DMD: variants seen among roughly 807,000 people sequenced by gnomAD.
DMD encodes mutant dystrophin.
In DMD, 63 loss-of-function variants were observed where a neutral mutation model predicts 330.1. The ratio of observed to expected loss-of-function variants is 0.19; its 90% CI spans 0.16 to 0.24. The LOEUF (loss-of-function observed/expected upper bound fraction) is 0.24. Among genes scored for constraint, DMD ranks in the 10% least tolerant of loss-of-function variants. DMD has a pLI of 1.00. For synonymous variants in DMD, 1,223 were observed against 959.8 expected, an observed-to-expected ratio of 1.27 and a Z score of -5.07; for missense variants, 3,344 against 2,684.1, an observed-to-expected ratio of 1.25 and a Z score of -5.43.
chrX:31,435,386 T>C (rs2064440481), intron 60 of DMD, among the ~76,000 whole-genome samples: 1 of 111,727 alleles, frequency 9.0e-6, no homozygotes, highest in African/African-American at 3.2e-5. Context: ...TTCTAATTTA[T>C]TATATTTCCA....
chrX:32,976,637 G>T (rs1044015247), intron 2 of DMD, among the ~76,000 whole-genome samples: 2 of 111,533 alleles, frequency 1.8e-5, no homozygotes, highest in East Asian at 5.6e-4. Flanking sequence ...TGCTGTTCAT[G>T]GCATTTTAAT....
chrX:31,226,037 C>T (rs768850320), intron 63 of DMD, among the ~76,000 whole-genome samples: 3 of 111,985 alleles, frequency 2.7e-5, no homozygotes, highest in South Asian at 7.6e-4. Context: ...ACTACCAACA[C>T]CAATTACAGA....
chrX:32,423,841 A>C (rs1419536888), intron 29 of DMD, among the ~76,000 whole-genome samples: 1 of 111,075 alleles, frequency 9.0e-6, no homozygotes, highest in Non-Finnish European at 1.9e-5. Context: ...GATGTATTTT[A>C]AAATATTATT....
At chrX:32,800,214 A>G (rs1419823262) in intron 7 of DMD, among the ~76,000 whole-genome samples, 2 of 111,956 alleles carry the variant, frequency 1.8e-5, no homozygotes, top group Admixed American at 9.5e-5. Context: ...TACAGAACCA[A>G]TATCTGGTTA....
rs1335710772 is a variant in DMD at position 33,253,379 on chromosome X, T to A, written c.7+85880A>T. Among the ~76,000 whole-genome samples the A allele has an allele frequency of 6.3e-5, 7 of 111,802 alleles. No homozygotes were observed. The Admixed American group carries it at 6.7e-4, about 11-fold the overall frequency. On this transcript the variant is annotated intron_variant, in intron 1 of 17. Coordinates refer to the DMD transcript ENST00000288447. Reference sequence around the variant, plus strand: ...ATTGATTATGAAGACACGAACTACTTCTACTAATTTAATAGAACTAGAGAA... The same window carrying A: ...ATTGATTATGAAGACACGAACTACTACTACTAATTTAATAGAACTAGAGAA...
At chrX:31,516,728 C>T (rs1314828246) in intron 55 of DMD, among the ~76,000 whole-genome samples, 1 of 111,728 alleles carries the variant, frequency 9.0e-6, no homozygotes, top group Non-Finnish European at 1.9e-5. Flanking sequence ...GTTGTCTTTG[C>T]TTTCATATCT....
intron 2 of DMD, among the ~76,000 whole-genome samples, chrX:32,991,778 T>C (rs1029075385): frequency 8.9e-6 from 1 of 112,093 alleles, no homozygotes; most frequent in African/African-American, 3.2e-5. Context: ...CTTGCTTCAC[T>C]TTAATGTGAG....
chrX:31,216,685 C>T (rs1009890355), intron 64 of DMD, among the ~76,000 whole-genome samples: 6 of 111,647 alleles, frequency 5.4e-5, no homozygotes, highest in Admixed American at 9.5e-5. Context: ...CAATAGAGCG[C>T]GGATTTGTAA....
At chrX:32,556,886 T>C (rs1244193164) in intron 16 of DMD, among the ~76,000 whole-genome samples, 1 of 112,029 alleles carries the variant, frequency 8.9e-6, no homozygotes, top group Non-Finnish European at 1.9e-5. Context: ...CTAGAAAGAT[T>C]CAAGCTATAA....
At chrX:32,379,521 A>G (rs2097916508) in intron 34 of DMD, among the ~76,000 whole-genome samples, 1 of 111,875 alleles carries the variant, frequency 8.9e-6, no homozygotes, top group Non-Finnish European at 1.9e-5. Context: ...AATAACTATA[A>G]TTCAATATCT....
At chrX:32,673,672 A>G (rs2061775774) in intron 9 of DMD, among the ~76,000 whole-genome samples, 1 of 112,021 alleles carries the variant, frequency 8.9e-6, no homozygotes, top group South Asian at 3.6e-4. Flanking sequence ...GACAAAGTAG[A>G]CGATCCCTCC....
At chrX:32,952,307 T>C (rs187955595) in intron 2 of DMD, among the ~76,000 whole-genome samples, 3 of 110,572 alleles carry the variant, frequency 2.7e-5, no homozygotes, top group East Asian at 5.7e-4. Flanking sequence ...CTAATTTTTG[T>C]ATTTTTAGTA....
intron 2 of DMD, among the ~76,000 whole-genome samples, chrX:32,927,699 TATCCCTTCA>T (rs2089191113): frequency 9.0e-6 from 1 of 111,709 alleles, no homozygotes; most frequent in South Asian, 3.7e-4. Flanking sequence ...TAAATCATCT[TATCCCTTCA>T]ATCTTTAGAT....
intron 9 of DMD, among the ~76,000 whole-genome samples, chrX:32,646,997 CT>C (rs1438035512): frequency 9.0e-6 from 1 of 110,532 alleles, no homozygotes; most frequent in African/African-American, 3.3e-5. Flanking sequence ...TCTCTTCCGT[CT>C]CTAAATACTA....
At chrX:32,382,871 G>A (rs1226453665) in intron 33 of DMD, among the ~76,000 whole-genome samples, 1 of 110,212 alleles carries the variant, frequency 9.1e-6, no homozygotes, top group Non-Finnish European at 1.9e-5. Flanking sequence ...TAAAAAACAG[G>A]AGACACTGCC....
chrX:32,650,620 G>T (rs1358845899), intron 9 of DMD, among the ~76,000 whole-genome samples: 1 of 111,981 alleles, frequency 8.9e-6, no homozygotes, highest in Non-Finnish European at 1.9e-5. Context: ...GCATAAAAAT[G>T]ATTACTGAAG....
At chrX:31,895,039 C>T (rs770108831) in intron 47 of DMD, among the ~76,000 whole-genome samples, 4 of 111,416 alleles carry the variant, frequency 3.6e-5, no homozygotes, top group Non-Finnish European at 7.5e-5. Context: ...TAAATCATCC[C>T]TCCCTTCTAT....
chrX:32,179,921 T>C (rs4829119), intron 44 of DMD, among the ~76,000 whole-genome samples: 22,928 of 111,457 alleles, frequency 0.21, 1,825 homozygotes, highest in East Asian at 0.28. Context: ...GCCTCCCTAG[T>C]CATGTGAGAC....
In DMD at chrX:31,569,624, G is replaced by GTA. The variant is rs1311151224; in HGVS notation, c.8217+58047_8217+58048dup. ...CATATATGTATATACGTATATATAC[G>GTA]TATATACGTATATATATGTATATAC... On this transcript the variant is annotated intron_variant, in intron 55 of 78. Coordinates refer to ENST00000357033, the MANE Select transcript of DMD (RefSeq NM_004006.3). 3.2e-4 allele frequency among the ~76,000 whole-genome samples: 31 copies of GTA among 96,885 alleles called. No homozygotes were observed. In the South Asian group the frequency reaches 7.7e-3, roughly 24 times the overall value. The allele number at this position is 96,885 out of a possible 115,157, so 84.1% of individuals were successfully genotyped here. A position where few individuals can be genotyped will look rare whatever the true frequency, so the allele number is the denominator to read the frequency against.
Sources: gnomAD v4.1 joint callset for allele counts (sites outside exome capture counted in the v4.1 genomes callset) on GRCh38, gnomAD v4.1.1 for gene constraint, MANE v1.5 for transcripts, NCBI Gene and HGNC (gene_info 2026-07-23, HGNC 2026-07-21) for gene names.